Variants in OLFM2 observed in about 807,000 individuals in gnomAD.
OLFM2 encodes the protein noelin-2.
OLFM2 carries 20 observed loss-of-function variants against 43.9 expected under a neutral mutation model. The observed-to-expected ratio is 0.46, with a 90% CI of 0.32 to 0.66. OLFM2 has a LOEUF of 0.66. Among genes scored for constraint, OLFM2 ranks in the 30% least tolerant of loss-of-function variants. OLFM2 has a pLI of 0.04. For missense variants in OLFM2, 416 were observed against 643.6 expected (o/e 0.65, Z 3.83); for synonymous variants, 268 against 278.6 (o/e 0.96, Z 0.38).
Position 9,857,601 on chromosome 19 carries a change from T to C in OLFM2, c.360+114A>G, listed in dbSNP as rs2046331944. 3.8e-6 allele frequency: 6 copies of C among 1,562,822 alleles called. No homozygotes were observed. The highest frequency in any genetic ancestry group is 3.4e-5 in the South Asian group (3 of 89,322). ...TTTGATGCACACCTGGCCCTTGACA[T>C]GTGGCTCATATTGGACCCTAGATTC... On this transcript the variant is annotated intron_variant, in intron 3 of 5. Transcript: ENST00000264833. The surrounding 1 kb of genome is among the most constrained non-coding windows in gnomAD (Gnocchi z 5.7).
At chr19:9,877,581 AAAAT>A (rs2046502359) in intron 1 of OLFM2, among the ~76,000 whole-genome samples, 1 of 151,848 alleles carries the variant, frequency 6.6e-6, no homozygotes, top group African/African-American at 2.4e-5. Context: ...TAAATACAAT[AAAAT>A]AAAAATAAAA....
chr19:9,882,537 C>CA (rs35787704), intron 1 of OLFM2, among the ~76,000 whole-genome samples: 138,401 of 150,780 alleles, frequency 0.92, 64,343 homozygotes, highest in Non-Finnish European at 1. Flanking sequence ...GACTCCGTCT[C>CA]AAAAAAAAGA....
intron 1 of OLFM2, among the ~76,000 whole-genome samples, chr19:9,874,794 T>G (rs1363667010): frequency 6.6e-6 from 1 of 152,056 alleles, no homozygotes; most frequent in African/African-American, 2.4e-5. Context: ...TATTTTATTT[T>G]TTAGAGACAA....
intron 1 of OLFM2, among the ~76,000 whole-genome samples, chr19:9,911,448 G>A (rs575689986): frequency 1.6e-4 from 25 of 152,176 alleles, no homozygotes; most frequent in African/African-American, 5.8e-4. Context: ...TGTTAGCTAC[G>A]AATGGGCCAG....
intron 1 of OLFM2, among the ~76,000 whole-genome samples, chr19:9,926,948 G>A (rs1197667269): frequency 6.6e-6 from 1 of 152,026 alleles, no homozygotes; most frequent in African/African-American, 2.4e-5. Flanking sequence ...TCGCGTCACT[G>A]CACTCCAGCC....
chr19:9,928,856 G>T (rs896318226), intron 1 of OLFM2, among the ~76,000 whole-genome samples: 1 of 151,822 alleles, frequency 6.6e-6, no homozygotes, highest in East Asian at 1.9e-4. Context: ...AGTCTTCATG[G>T]AATCTACTCT....
chr19:9,886,780 G>A (rs1367989917), intron 1 of OLFM2, among the ~76,000 whole-genome samples: 2 of 151,786 alleles, frequency 1.3e-5, no homozygotes, highest in Admixed American at 6.6e-5. Flanking sequence ...TGCCTCCTGG[G>A]TCCAAGCGAC....
intron 1 of OLFM2, among the ~76,000 whole-genome samples, chr19:9,903,014 C>T (rs542278282): frequency 6.6e-6 from 1 of 151,966 alleles, no homozygotes; most frequent in Non-Finnish European, 1.5e-5. Context: ...CCTCGATTTC[C>T]TGAATAGCTG....
intron 1 of OLFM2, among the ~76,000 whole-genome samples, chr19:9,875,687 GT>G (rs1416176603): frequency 6.6e-6 from 1 of 150,908 alleles, no homozygotes; most frequent in Non-Finnish European, 1.5e-5. Context: ...TTTGTTTTTT[GT>G]TTGTTTTTTC....
chr19:9,856,857 G>A lies in OLFM2; in HGVS notation c.637C>T (p.Arg213Cys), dbSNP rs754628106. The A allele has an allele frequency of 3.7e-6, 6 of 1,613,738 alleles. No homozygotes were observed. The highest frequency in any genetic ancestry group is 1.7e-5 in the Admixed American group (1 of 59,972). Residue 213 changes from arginine to cysteine, a missense_variant, in exon 5 of 6, where the codon CGC becomes TGC. Transcript: ENST00000264833. This position sits in a 1 kb window ranked among gnomAD's most constrained non-coding sequence, Gnocchi z 4.0. ...NPITVRAMGSRFGSWMTDTMA... is the reference protein window; with the variant it reads ...NPITVRAMGSCFGSWMTDTMA... The stretch of plus-strand genomic sequence containing the variant: ...GTGTCAGTCATCCAGGAGCCGAAGC[G>A]GGACCCCATGGCCCGAACGGTGATG...
rs370559008 is a variant in OLFM2 at position 9,926,951 on chromosome 19, C to T, written c.63+9353G>A. On this transcript the variant is annotated intron_variant, in intron 1 of 5. Coordinates refer to ENST00000264833, the MANE Select transcript of OLFM2 (RefSeq NM_058164.4). ...AGTGAGCTGTGATCGCGTCACTGCA[C>T]TCCAGCCTGGGCAACAGAGCAAGAC... Among the ~76,000 whole-genome samples the T allele has an allele frequency of 1.6e-4, 24 of 152,186 alleles. No homozygotes were observed. In the East Asian group the frequency reaches 3.1e-3, roughly 20 times the overall value.
intron 1 of OLFM2, among the ~76,000 whole-genome samples, chr19:9,931,289 G>A (rs559072960): frequency 4.6e-5 from 7 of 152,164 alleles, no homozygotes; most frequent in South Asian, 2.1e-4. Flanking sequence ...TCAGTCTGTC[G>A]CCCAAGCTGG....
At chr19:9,932,326 G>A (rs1188558238) in intron 1 of OLFM2, among the ~76,000 whole-genome samples, 5 of 151,808 alleles carry the variant, frequency 3.3e-5, no homozygotes, top group Admixed American at 6.6e-5. Context: ...CAGGTGGCAC[G>A]TGCCTGTAGT....
At chr19:9,892,893 T>A (rs1384658531) in intron 1 of OLFM2, among the ~76,000 whole-genome samples, 1 of 152,144 alleles carries the variant, frequency 6.6e-6, no homozygotes, top group African/African-American at 2.4e-5. Flanking sequence ...GGTTCTGGTC[T>A]GATCTGTCTC....
intron 1 of OLFM2, among the ~76,000 whole-genome samples, chr19:9,924,781 C>T (rs541061166): frequency 1.1e-3 from 168 of 152,114 alleles, no homozygotes; most frequent in Admixed American, 5.0e-3. Context: ...AAGGCCGTGA[C>T]GTGTGTCACG....
intron 1 of OLFM2, among the ~76,000 whole-genome samples, chr19:9,912,125 A>AAC (rs1040899604): frequency 6.6e-6 from 1 of 151,978 alleles, no homozygotes; most frequent in East Asian, 1.9e-4. Context: ...TACACACCGA[A>AAC]ACACACACAT....
At chr19:9,894,771 C>T (rs768331312) in intron 1 of OLFM2, among the ~76,000 whole-genome samples, 8 of 152,198 alleles carry the variant, frequency 5.3e-5, no homozygotes, top group Admixed American at 2.6e-4. Flanking sequence ...CGGTTGAGAA[C>T]CACAGCTCTA....
chr19:9,864,425 C>G (rs1248414570), intron 1 of OLFM2, among the ~76,000 whole-genome samples: 2 of 152,054 alleles, frequency 1.3e-5, no homozygotes, highest in Admixed American at 6.6e-5. Flanking sequence ...CTCAGCCTCC[C>G]GAGTAGCTAG....
At position 9,857,822 on chromosome 19, in the gene OLFM2, G is replaced by A. The variant is rs1477867421; in HGVS notation, c.253C>T (p.Arg85Trp). The change falls in exon 3 of 6, where the codon CGG (arginine) becomes TGG (tryptophan). Residue 85 changes from arginine to tryptophan, a missense_variant. Physicochemically the swap from Arg to Trp is moderately radical, Grantham distance 101. Transcript: ENST00000264833. This position sits in a 1 kb window ranked among gnomAD's most constrained non-coding sequence, Gnocchi z 5.7. ...VSQSMEVLEL[R>W]TYRDLQYVRG... is the part of the protein sequence containing the mutation. ...ACATACTGGAGGTCGCGATACGTCCGCAACTCAAGGACCTCCATGGACTGG... is the reference window on the plus strand; with the variant it reads ...ACATACTGGAGGTCGCGATACGTCCACAACTCAAGGACCTCCATGGACTGG... The A allele has an allele frequency of 5.0e-6, 8 of 1,614,076 alleles. No individual in the cohort carries two copies. The highest frequency in any genetic ancestry group is 1.3e-5 in the African/African-American group (1 of 75,012).
Sources: gnomAD v4.1 joint callset for allele counts (sites outside exome capture counted in the v4.1 genomes callset) on GRCh38, gnomAD v4.1.1 for gene constraint, Gnocchi (gnomAD v3.1) non-coding constraint, MANE v1.5 for transcripts, NCBI Gene and HGNC (gene_info 2026-07-23, HGNC 2026-07-21) for gene names.